The following THSD4 variants were observed in gnomAD, a reference collection of about 807,000 sequenced individuals.
THSD4 encodes thrombospondin type 1 domain containing 4.
A neutral mutation model predicts 119.0 loss-of-function variants in THSD4; 69 were observed. The ratio of observed to expected loss-of-function variants is 0.58; its 90% CI spans 0.48 to 0.71. THSD4 has a LOEUF of 0.71. Ranked by LOEUF, THSD4 falls within the 30% of genes least tolerant of loss-of-function variation. The pLI, the probability that THSD4 is intolerant of heterozygous loss-of-function variation, is 0.00. For missense variants in THSD4, 1,393 were observed against 1,391.1 expected, an observed-to-expected ratio of 1.00 and a Z score of -0.02; for synonymous variants, 524 against 540.4, an observed-to-expected ratio of 0.97 and a Z score of 0.42.
chr15:71,482,908 A>G (rs879495553), intron 7 of THSD4, among the ~76,000 whole-genome samples: 3 of 152,192 alleles, frequency 2.0e-5, no homozygotes, highest in Non-Finnish European at 4.4e-5. Context: ...TTTTAATAGG[A>G]AAGCAAACCT....
At chr15:71,233,078 T>C (rs1442789) in intron 4 of THSD4, among the ~76,000 whole-genome samples, 29,891 of 152,152 alleles carry the variant, frequency 0.2, 3,341 homozygotes, top group African/African-American at 0.27. Flanking sequence ...TCCGCCTCGG[T>C]ATGAGCTTGA....
intron 8 of THSD4, among the ~76,000 whole-genome samples, chr15:71,675,535 A>G (rs1052659189): frequency 6.6e-6 from 1 of 152,138 alleles, no homozygotes; most frequent in South Asian, 2.1e-4. Flanking sequence ...AGGCCCATGC[A>G]TGGTGTGCAG....
intron 8 of THSD4, among the ~76,000 whole-genome samples, chr15:71,684,215 T>A (rs2051858554): frequency 6.6e-6 from 1 of 152,208 alleles, no homozygotes; most frequent in African/African-American, 2.4e-5. Context: ...TGGGTTTTTT[T>A]ATATTTACCT....
At chr15:71,165,248 T>C (rs1314852020) in intron 3 of THSD4, 7 of 1,565,270 alleles carry the variant, frequency 4.5e-6, no homozygotes, top group Non-Finnish European at 4.4e-6. Context: ...AAATTTTCCT[T>C]TGTCTTTAGC....
In THSD4 at chr15:71,141,736, C is replaced by G. The variant is rs117458986; in HGVS notation, c.29+180C>G. Among the ~76,000 whole-genome samples, 282 of 152,332 alleles carry G rather than the reference C, an allele frequency of 1.9e-3. 1 individual carries two copies. The highest frequency in any genetic ancestry group is 3.2e-3 in the Non-Finnish European group (215 of 68,042). ...AGAAGGGCCTCCAAGGCCTTGGGAG[C>G]TGTGTGCTGTGCTGAGTGGCTTGGG... On this transcript the variant is annotated intron_variant, in intron 2 of 17. Transcript: ENST00000261862.
At chr15:71,537,177 A>G (rs80095501) in intron 7 of THSD4, among the ~76,000 whole-genome samples, 1 of 152,276 alleles carries the variant, frequency 6.6e-6, no homozygotes, top group Non-Finnish European at 1.5e-5. Flanking sequence ...TCTTTCCACC[A>G]TCCCAGTTTA....
chr15:71,667,846 G>C (rs192234557), intron 8 of THSD4, among the ~76,000 whole-genome samples: 188 of 152,252 alleles, frequency 1.2e-3, no homozygotes, highest in African/African-American at 4.2e-3. Context: ...GCCTTCAAGT[G>C]TAAAGACTAC....
chr15:71,450,790 A>G (rs1268740586), intron 7 of THSD4, among the ~76,000 whole-genome samples: 4 of 152,180 alleles, frequency 2.6e-5, no homozygotes, highest in African/African-American at 9.7e-5. Context: ...ACATTTAATT[A>G]TATAAGTACA....
intron 3 of THSD4, among the ~76,000 whole-genome samples, chr15:71,212,478 A>G (rs1322119982): frequency 6.6e-6 from 1 of 152,212 alleles, no homozygotes; most frequent in African/African-American, 2.4e-5. Context: ...CAAGTATTAT[A>G]GGCAGTGTCT....
chr15:71,196,559 A>C (rs1383912934), intron 3 of THSD4, among the ~76,000 whole-genome samples: 1 of 152,192 alleles, frequency 6.6e-6, no homozygotes, highest in Non-Finnish European at 1.5e-5. Context: ...CTTTAGGGAC[A>C]GTGGCAGTAT....
At chr15:71,526,039 A>G (rs1017352126) in intron 7 of THSD4, among the ~76,000 whole-genome samples, 1 of 152,216 alleles carries the variant, frequency 6.6e-6, no homozygotes, top group African/African-American at 2.4e-5. Context: ...TCCTGGATAT[A>G]TTATCAAATT....
intron 6 of THSD4, among the ~76,000 whole-genome samples, chr15:71,258,564 T>C (rs760834933): frequency 6.6e-6 from 1 of 152,184 alleles, no homozygotes; most frequent in Non-Finnish European, 1.5e-5. Flanking sequence ...CTTTGTAACT[T>C]TCCTGTAAAT....
At chr15:71,371,221 A>G (rs1411064764) in intron 6 of THSD4, among the ~76,000 whole-genome samples, 3 of 151,928 alleles carry the variant, frequency 2.0e-5, no homozygotes, top group African/African-American at 7.3e-5. Flanking sequence ...ATGGGTCTTG[A>G]CTCTTTATCC....
chr15:71,364,039 T>A (rs2045926301), intron 6 of THSD4, among the ~76,000 whole-genome samples: 1 of 152,206 alleles, frequency 6.6e-6, no homozygotes, highest in African/African-American at 2.4e-5. Flanking sequence ...TAGAAGATGG[T>A]TGAACTCTAG....
intron 6 of THSD4, among the ~76,000 whole-genome samples, chr15:71,323,312 T>G (rs1235581013): frequency 1.3e-5 from 2 of 152,076 alleles, no homozygotes; most frequent in African/African-American, 4.8e-5. Context: ...TTAAAGGTCA[T>G]GAAGAGAACA....
At chr15:71,621,662 A>C (rs2050420747) in intron 7 of THSD4, among the ~76,000 whole-genome samples, 1 of 152,234 alleles carries the variant, frequency 6.6e-6, no homozygotes. Flanking sequence ...TGGACACTAA[A>C]ACTGTGGTGA....
intron 3 of THSD4, among the ~76,000 whole-genome samples, chr15:71,192,432 G>A (rs866798902): frequency 1.3e-4 from 20 of 151,806 alleles, no homozygotes; most frequent in Middle Eastern, 6.8e-3. Flanking sequence ...ACAGATGTGC[G>A]CCAACACGCC....
rs71154763 is a variant in THSD4, at chr15:71,346,868, C to CTTTT, written c.1016-64799_1016-64796dup. 7.5e-3 allele frequency among the ~76,000 whole-genome samples: 646 copies of CTTTT among 85,914 alleles called. 8 individuals carry two copies. Among genetic ancestry groups the CTTTT allele is most frequent in the Middle Eastern group, 0.015 (1 of 68 alleles). 56.4% of individuals were successfully genotyped at this position (85,914 alleles called of 152,430 possible). A position where few individuals can be genotyped will look rare whatever the true frequency, so the allele number is the denominator to read the frequency against. ...ACATCATAAGTTTCATTTTCATTTT[C>CTTTT]TTTTTTTTTTTTTTTTTTTTTTTGA... On this transcript the variant is annotated intron_variant, in intron 6 of 17. Coordinates refer to ENST00000261862, the MANE Select transcript of THSD4 (RefSeq NM_024817.3).
chr15:71,503,299 G>A (rs1331026811), intron 7 of THSD4, among the ~76,000 whole-genome samples: 1 of 152,144 alleles, frequency 6.6e-6, no homozygotes, highest in African/African-American at 2.4e-5. Flanking sequence ...ATGCTGGGAG[G>A]GTGGTTGGGA....
Sources: allele counts gnomAD v4.1 joint callset (sites outside exome capture counted in the v4.1 genomes callset), GRCh38; gene constraint gnomAD v4.1.1; transcripts MANE v1.5; gene names NCBI Gene and HGNC (gene_info 2026-07-23, HGNC 2026-07-21).